Variants in CERS5 observed in about 807,000 individuals in gnomAD.
CERS5 encodes ceramide synthase 5, also known as LAG1 homolog, ceramide synthase 5.
In CERS5, 37 loss-of-function variants were observed where a neutral mutation model predicts 58.9. That is an observed-to-expected ratio of 0.63 (90% confidence interval 0.48 to 0.83). CERS5 has a LOEUF of 0.83. Among genes scored for constraint, CERS5 ranks in the 40% least tolerant of loss-of-function variants. The probability of loss-of-function intolerance (pLI) is 0.00; values close to 1 mark genes in which losing one functional copy is unlikely to be tolerated. For synonymous variants in CERS5, 147 were observed against 177.8 expected, an observed-to-expected ratio of 0.83 and a Z score of 1.38; for missense variants, 398 against 489.3, an observed-to-expected ratio of 0.81 and a Z score of 1.76.
At chr12:50,134,497 A>G (rs1951520965) in intron 9 of CERS5, 49 bp downstream of exon 9, 2 of 1,613,668 alleles carry the variant, frequency 1.2e-6, no homozygotes, top group Non-Finnish European at 1.7e-6. Flanking sequence ...TCTGTTGAGT[A>G]ATCCCTATCT....
chr12:50,164,449 A>C (rs1033235703), intron 1 of CERS5, among the ~76,000 whole-genome samples: 1 of 152,014 alleles, frequency 6.6e-6, no homozygotes, highest in Admixed American at 6.6e-5. Context: ...ATAAGAGTGG[A>C]GTGGTCTATT....
At chr12:50,135,039 G>T (rs949045083) in intron 8 of CERS5, among the ~76,000 whole-genome samples, 1 of 151,128 alleles carries the variant, frequency 6.6e-6, no homozygotes, top group African/African-American at 2.4e-5. Context: ...TATAGGATAG[G>T]ACAGTAGGTA....
intron 1 of CERS5, among the ~76,000 whole-genome samples, chr12:50,155,289 A>T (rs75702424): frequency 0.027 from 4,184 of 152,202 alleles, 198 homozygotes; most frequent in African/African-American, 0.095. Context: ...TGAGAACAAA[A>T]AGTTACAATG....
At chr12:50,147,527 A>G (rs960306562) in intron 1 of CERS5, 4 of 152,120 alleles carry the variant, frequency 2.6e-5, no homozygotes, top group African/African-American at 4.8e-5. Context: ...GGGGATCCAG[A>G]GACCCTTTCA....
intron 1 of CERS5, chr12:50,154,252 C>A: frequency 2.8e-6 from 1 of 352,526 alleles, no homozygotes; most frequent in Non-Finnish European, 5.7e-6. Context: ...ACTCGGGAGG[C>A]TGAGGCAGGA....
At position 50,143,076 on chromosome 12, in the gene CERS5, G is replaced by A. The variant is rs745700671; in HGVS notation, c.432C>T (p.Ser144=). Reference sequence around the variant, plus strand: ...TCCCTCCCTCCTTGCGTACTTACATGCTTTCACAGAATTTAGTAAGCGTTG... The same window carrying A: ...TCCCTCCCTCCTTGCGTACTTACATACTTTCACAGAATTTAGTAAGCGTTG... ...KPPTLTKFCE[S]MWRFTFYLCI... is the part of the protein sequence containing the mutation. The change falls in exon 3 of 10, where the codon AGC becomes AGT. Residue 144 remains serine, a splice_region_variant and synonymous_variant. Coordinates refer to ENST00000317551, the MANE Select transcript of CERS5 (RefSeq NM_147190.5). 1.2e-6 allele frequency: 2 copies of A among 1,604,544 alleles called. No individual in the cohort carries two copies. Among genetic ancestry groups the A allele is most frequent in the Non-Finnish European group, 1.7e-6 (2 of 1,173,934 alleles).
chr12:50,163,095 C>T (rs935957816), intron 1 of CERS5, among the ~76,000 whole-genome samples: 13 of 152,180 alleles, frequency 8.5e-5, no homozygotes, highest in African/African-American at 2.9e-4. Flanking sequence ...ATCAGGGTCT[C>T]GCTATGCTGC....
At chr12:50,167,075 C>G in intron 1 of CERS5, 26 bp downstream of exon 1, 1 of 1,495,574 alleles carries the variant, frequency 6.7e-7, no homozygotes. Flanking sequence ...GCCCGGCCCC[C>G]GAGCCGCTCG....
At chr12:50,151,864 C>T (rs1476716489) in intron 1 of CERS5, among the ~76,000 whole-genome samples, 4 of 152,192 alleles carry the variant, frequency 2.6e-5, no homozygotes, top group South Asian at 2.1e-4. Context: ...AGGCTGGTCC[C>T]GAACTCCTGG....
chr12:50,160,646 ATCAATATTGTC>A (rs1427227109), intron 1 of CERS5, among the ~76,000 whole-genome samples: 1 of 152,252 alleles, frequency 6.6e-6, no homozygotes, highest in African/African-American at 2.4e-5. Context: ...ATCTGATGGT[ATCAATATTGTC>A]TCAAACTCCT....
intron 1 of CERS5, among the ~76,000 whole-genome samples, chr12:50,152,194 T>C (rs553326382): frequency 1.2e-4 from 19 of 152,270 alleles, no homozygotes; most frequent in African/African-American, 4.3e-4. Flanking sequence ...TAAACTATTT[T>C]CATAACAATA....
At chr12:50,151,674 A>T (rs1364530125) in intron 1 of CERS5, among the ~76,000 whole-genome samples, 3 of 152,214 alleles carry the variant, frequency 2.0e-5, no homozygotes, top group South Asian at 2.1e-4. Context: ...CCACTTTGAG[A>T]TGGAGTCTCC....
intron 1 of CERS5, among the ~76,000 whole-genome samples, chr12:50,163,013 A>T (rs1939477737): frequency 6.6e-6 from 1 of 151,726 alleles, no homozygotes; most frequent in Non-Finnish European, 1.5e-5. Flanking sequence ...ATCTTCCTGC[A>T]TCAGCCTCCT....
rs900655896 is a variant in CERS5, at chr12:50,167,310, C to G, written c.-13G>C. On this transcript the variant is annotated 5_prime_UTR_variant, in exon 1 of 10. Coordinates refer to ENST00000317551, the MANE Select transcript of CERS5 (RefSeq NM_147190.5). ...CTGCTGTCGCCATCTTACGCCCACCCCGAAGCCACCGCCGCCACAAGCGTC... is the reference window on the plus strand; with the variant it reads ...CTGCTGTCGCCATCTTACGCCCACCGCGAAGCCACCGCCGCCACAAGCGTC... The G allele has an allele frequency of 1.0e-5, 15 of 1,472,720 alleles. No individual in the cohort carries two copies. Among genetic ancestry groups the G allele is most frequent in the Non-Finnish European group, 1.3e-5 (15 of 1,118,808 alleles). 91.2% of individuals were successfully genotyped at this position (1,472,720 alleles called of 1,614,324 possible).
Position 50,144,742 on chromosome 12 carries a change from G to C in CERS5, c.198-685C>G, listed in dbSNP as rs771695466. 4 of 1,345,366 alleles carry C rather than the reference G, an allele frequency of 3.0e-6. No individual in the cohort carries two copies. The South Asian group carries it at 5.0e-5, about 17-fold the overall frequency. The allele number at this position is 1,345,366 out of a possible 1,614,324, so 83.3% of individuals were successfully genotyped here. On this transcript the variant is annotated intron_variant, in intron 1 of 9. Coordinates refer to ENST00000317551, the MANE Select transcript of CERS5 (RefSeq NM_147190.5). ...TCGTAGTCTCAGATCTACTAATAAG[G>C]CATATAAACTTGGTAAAATCACTTA... is the stretch of plus-strand genomic sequence containing the variant.
chr12:50,147,763 A>T (rs1005702261), intron 1 of CERS5, among the ~76,000 whole-genome samples: 1 of 152,242 alleles, frequency 6.6e-6, no homozygotes, highest in Admixed American at 6.5e-5. Context: ...TTTTTCATAA[A>T]ACGTAATGAG....
intron 1 of CERS5, 164 bp from the exon 2 acceptor site, chr12:50,144,221 C>T (rs1952137057): frequency 3.7e-6 from 2 of 545,014 alleles, no homozygotes; most frequent in South Asian, 2.3e-5. Flanking sequence ...TCACTTTCAA[C>T]ATTTATCACT....
rs146815744 is a variant in CERS5, at chr12:50,130,023, A to G, written c.*522T>C. 2.0e-5 allele frequency: 3 copies of G among 152,836 alleles called. No homozygotes were observed. The highest frequency in any genetic ancestry group is 7.2e-5 in the African/African-American group (3 of 41,584). 9.5% of individuals were successfully genotyped at this position (152,836 alleles called of 1,614,324 possible). ...CCACGGCAATCCTGGCCATCCATCC[A>G]TGGTTCTGTTTCTATACAACTTCAT... On this transcript the variant is annotated 3_prime_UTR_variant, in exon 10 of 10. Coordinates refer to ENST00000317551, the MANE Select transcript of CERS5 (RefSeq NM_147190.5).
intron 1 of CERS5, among the ~76,000 whole-genome samples, chr12:50,163,570 C>T (rs552067069): frequency 5.3e-4 from 80 of 152,288 alleles, no homozygotes; most frequent in African/African-American, 1.9e-3. Flanking sequence ...GTGGCTCATG[C>T]CAGTAATCCC....
Sources: allele counts gnomAD v4.1 joint callset (sites outside exome capture counted in the v4.1 genomes callset), GRCh38; gene constraint gnomAD v4.1.1; transcripts MANE v1.5; gene names NCBI Gene and HGNC (gene_info 2026-07-23, HGNC 2026-07-21).